RB1CC1: variants seen among roughly 807,000 people sequenced by gnomAD.
RB1CC1 encodes RB1 inducible coiled-coil 1, also known as RB1-inducible coiled-coil protein 1.
A neutral mutation model predicts 177.5 loss-of-function variants in RB1CC1; 46 were observed. The ratio of observed to expected loss-of-function variants is 0.26; its 90% CI spans 0.20 to 0.33. The LOEUF (loss-of-function observed/expected upper bound fraction) is 0.33. RB1CC1 is among the 10% of genes least tolerant of loss of function. RB1CC1 has a pLI of 1.00. For missense variants in RB1CC1, 1,703 were observed against 1,816.3 expected (o/e 0.94, Z 1.13); for synonymous variants, 666 against 613.6 (o/e 1.09, Z -1.26).
At position 52,656,916 on chromosome 8, in the gene RB1CC1, C is replaced by T; in HGVS notation, c.2913G>A (p.Glu971=). 1.2e-6 allele frequency: 2 copies of T among 1,613,250 alleles called. No individual in the cohort carries two copies. Among genetic ancestry groups the T allele is most frequent in the Non-Finnish European group, 1.7e-6 (2 of 1,179,938 alleles). Reference sequence around the variant, plus strand: ...GTTCTGCCCTCAATAACTGTAACTTCTCATCATTTTCAACATGGAGCTTTT... The same window carrying T: ...GTTCTGCCCTCAATAACTGTAACTTTTCATCATTTTCAACATGGAGCTTTT... ...DLKKLHVEND[E]KLQLLRAELQ... The change falls in exon 15 of 24, where the codon GAG becomes GAA. Residue 971 remains glutamate, a synonymous_variant. Coordinates refer to ENST00000025008, the MANE Select transcript of RB1CC1 (RefSeq NM_014781.5).
Position 52,656,750 on chromosome 8 carries a change from G to C in RB1CC1, c.3079C>G (p.Gln1027Glu), listed in dbSNP as rs1028176129. 1.9e-6 allele frequency: 3 copies of C among 1,613,524 alleles called. No homozygotes were observed. The highest frequency in any genetic ancestry group is 2.7e-5 in the African/African-American group (2 of 74,888). ...ATTTCAGCATGAGATTCTTGTATTT[G>C]ATTAATTATTTGTTGGTTTTCCTTT... The part of the protein sequence containing the change: ...LKKENQQIIN[Q>E]IQESHAEIIQ... Residue 1027 changes from glutamine to glutamate, a missense_variant, in exon 15 of 24, where the codon CAA becomes GAA. Transcript: ENST00000025008.
At chr8:52,674,790 T>C (rs1295280637) in intron 6 of RB1CC1, among the ~76,000 whole-genome samples, 2 of 149,440 alleles carry the variant, frequency 1.3e-5, no homozygotes, top group African/African-American at 2.5e-5. Flanking sequence ...AAAAAAACAC[T>C]CTAAAGTAAA....
intron 1 of RB1CC1, among the ~76,000 whole-genome samples, chr8:52,700,575 C>T (rs2150687918): frequency 6.6e-6 from 1 of 152,104 alleles, no homozygotes; most frequent in East Asian, 1.9e-4. Flanking sequence ...GCAACATGTT[C>T]TTAATTAAGT....
intron 18 of RB1CC1, among the ~76,000 whole-genome samples, chr8:52,641,171 G>C (rs921857136): frequency 6.6e-6 from 1 of 151,862 alleles, no homozygotes; most frequent in African/African-American, 2.4e-5. Flanking sequence ...ATCACCTGAG[G>C]TCAGGAGTTC....
chr8:52,697,440 A>T (rs1459819748), intron 1 of RB1CC1, among the ~76,000 whole-genome samples: 1 of 152,184 alleles, frequency 6.6e-6, no homozygotes, highest in Non-Finnish European at 1.5e-5. Flanking sequence ...TAAATGTGCA[A>T]ATCTAAATAC....
chr8:52,684,939 A>G (rs1854122864), intron 3 of RB1CC1, among the ~76,000 whole-genome samples: 1 of 152,124 alleles, frequency 6.6e-6, no homozygotes, highest in African/African-American at 2.4e-5. Context: ...TCTTTTAGAG[A>G]AAGATAACAA....
chr8:52,626,336 A>T (rs1001335243), intron 22 of RB1CC1, among the ~76,000 whole-genome samples: 3 of 152,196 alleles, frequency 2.0e-5, no homozygotes, highest in South Asian at 2.1e-4. Flanking sequence ...GTGCATTTTT[A>T]AAAAAGTTTT....
chr8:52,672,168 G>T (rs950639756), intron 7 of RB1CC1, among the ~76,000 whole-genome samples: 1 of 152,046 alleles, frequency 6.6e-6, no homozygotes, highest in African/African-American at 2.4e-5. Flanking sequence ...ATTATTTAGA[G>T]ATAGAGTCTC....
chr8:52,657,089 C>A lies in RB1CC1; in HGVS notation c.2740G>T (p.Ala914Ser), dbSNP rs1851145990. 6.2e-7 allele frequency: 1 copy of A among 1,610,702 alleles called. No homozygotes were observed. Among genetic ancestry groups the A allele is most frequent in the Non-Finnish European group, 8.5e-7 (1 of 1,178,968 alleles). Residue 914 changes from alanine to serine, a missense_variant, in exon 15 of 24, where the codon GCT (alanine) becomes TCT (serine). Ala to Ser is a moderately conservative substitution (Grantham distance 99). Coordinates refer to ENST00000025008, the MANE Select transcript of RB1CC1 (RefSeq NM_014781.5). ...GCTTCTTTTTCATGTTTAACCAAAG[C>A]AAATTCATTATCTTTATTTTGTAAA... The part of the protein sequence containing the change: ...EVLQNKDNEF[A>S]LVKHEKEAVI...
chr8:52,644,096 T>C (rs1039900943), intron 16 of RB1CC1, among the ~76,000 whole-genome samples: 3 of 152,180 alleles, frequency 2.0e-5, no homozygotes, highest in East Asian at 1.9e-4. Context: ...TTTATTTTCA[T>C]GATTTTTGCC....
intron 18 of RB1CC1, among the ~76,000 whole-genome samples, chr8:52,639,305 AT>A (rs1205660952): frequency 6.6e-6 from 1 of 152,014 alleles, no homozygotes; most frequent in East Asian, 1.9e-4. Flanking sequence ...TTAAATTTTT[AT>A]TGGGATCTTT....
chr8:52,641,013 G>T (rs1849523337), intron 18 of RB1CC1, among the ~76,000 whole-genome samples: 1 of 152,072 alleles, frequency 6.6e-6, no homozygotes, highest in Admixed American at 6.6e-5. Context: ...CCTCTGAGTG[G>T]GCAGGGGTGG....
chr8:52,709,976 T>C (rs991792628), intron 1 of RB1CC1, among the ~76,000 whole-genome samples: 1 of 152,226 alleles, frequency 6.6e-6, no homozygotes, highest in Non-Finnish European at 1.5e-5. Flanking sequence ...TAAAGTGGAC[T>C]AAAAGCTTCA....
At chr8:52,706,735 CAAAAAAA>C (rs570528978) in intron 1 of RB1CC1, among the ~76,000 whole-genome samples, 1 of 106,276 alleles carries the variant, frequency 9.4e-6, no homozygotes, top group African/African-American at 3.5e-5. Flanking sequence ...CCCTCTGTTT[CAAAAAAA>C]AAAAAAAAAG....
intron 12 of RB1CC1, 104 bp downstream of exon 12, chr8:52,660,492 T>A (rs142242843): frequency 7.2e-6 from 8 of 1,118,762 alleles, no homozygotes; most frequent in Admixed American, 5.4e-5. Flanking sequence ...TGATTTTTTT[T>A]AAACCACAAC....
chr8:52,649,695 C>T (rs1302717215), intron 15 of RB1CC1, among the ~76,000 whole-genome samples: 1 of 152,096 alleles, frequency 6.6e-6, no homozygotes, highest in Non-Finnish European at 1.5e-5. Context: ...AAAATGCTCC[C>T]ACCCATACTC....
intron 1 of RB1CC1, among the ~76,000 whole-genome samples, chr8:52,705,252 A>G (rs1255878791): frequency 6.6e-6 from 1 of 152,244 alleles, no homozygotes; most frequent in Non-Finnish European, 1.5e-5. Flanking sequence ...GCACTTGTGT[A>G]TCTATACAAT....
intron 23 of RB1CC1, 104 bp downstream of exon 23, chr8:52,624,613 G>A (rs765443855): frequency 2.4e-5 from 22 of 910,370 alleles, no homozygotes; most frequent in African/African-American, 1.6e-4. Flanking sequence ...TAACTGAAAT[G>A]AGCATAAAGG....
At chr8:52,663,726 A>G (rs1052984056) in intron 8 of RB1CC1, among the ~76,000 whole-genome samples, 9 of 152,204 alleles carry the variant, frequency 5.9e-5, no homozygotes, top group African/African-American at 2.2e-4. Flanking sequence ...CTGATGAGAC[A>G]TCTGTAAATA....
Sources: gnomAD v4.1 joint callset for allele counts (sites outside exome capture counted in the v4.1 genomes callset) on GRCh38, gnomAD v4.1.1 for gene constraint, MANE v1.5 for transcripts, NCBI Gene and HGNC (gene_info 2026-07-23, HGNC 2026-07-21) for gene names.